Variants in GPR83 observed in about 807,000 individuals in gnomAD.
GPR83 encodes G-protein coupled receptor 72.
Under a neutral mutation model 28.0 loss-of-function variants are expected in GPR83, and 23 were observed. That is an observed-to-expected ratio of 0.82 (90% confidence interval 0.59 to 1.16). The LOEUF is 1.16. Ranked by LOEUF, GPR83 falls within the 50% of genes most tolerant of loss-of-function variation. The pLI is 0.00. For missense variants in GPR83, 610 were observed against 536.6 expected (o/e 1.14, Z -1.35); for synonymous variants, 234 against 215.4 (o/e 1.09, Z -0.76).
In GPR83 at chr11:94,380,531, A is replaced by G; in HGVS notation, c.890T>C (p.Val297Ala). 6.2e-7 allele frequency: 1 copy of G among 1,614,212 alleles called. No individual in the cohort carries two copies. The highest frequency in any genetic ancestry group is 8.5e-7 in the Non-Finnish European group (1 of 1,180,030). ...CCAGCAGAGGGCAAAGAGGACTACC[A>G]CCAGCATCAACATCTTGATGGTCTT... is the stretch of plus-strand genomic sequence containing the variant. The part of the protein sequence containing the change: ...KKKTIKMLML[V>A]VVLFALCWFP... The change falls in exon 4 of 4, where the codon GTG becomes GCG. Residue 297 changes from valine (V) to alanine (A), a missense_variant. Val to Ala is a moderately conservative substitution (Grantham distance 64). Transcript: ENST00000243673.
At position 94,393,539 on chromosome 11, in the gene GPR83, G is replaced by A. The variant is rs192469914; in HGVS notation, c.593C>T (p.Thr198Met). Reference protein sequence around the residue: ...IYIAVIWTMATFFSLPHAICQ... With the variant: ...IYIAVIWTMAMFFSLPHAICQ... ...GATAGCATGTGGGAGTGAAAAGAAC[G>A]TAGCCATGGTCCAGATGACAGCGAT... The change falls in exon 3 of 4, where the codon ACG becomes ATG. Residue 198 changes from threonine to methionine, a missense_variant. Transcript: ENST00000243673. 9.6e-5 allele frequency: 155 copies of A among 1,613,726 alleles called. No homozygotes were observed. Among genetic ancestry groups the A allele is most frequent in the Admixed American group, 5.3e-4 (32 of 60,020 alleles).
intron 3 of GPR83, among the ~76,000 whole-genome samples, chr11:94,388,421 A>G (rs1164656845): frequency 2.6e-5 from 4 of 152,042 alleles, no homozygotes; most frequent in African/African-American, 4.8e-5. Context: ...TATCTAGAAA[A>G]CCCCATCATC....
chr11:94,383,867 G>A (rs1435603104), intron 3 of GPR83, among the ~76,000 whole-genome samples: 1 of 152,114 alleles, frequency 6.6e-6, no homozygotes, highest in Non-Finnish European at 1.5e-5. Flanking sequence ...AAAAAGTCCA[G>A]GACCAGACAG....
In GPR83 at chr11:94,380,080, T is replaced by C. The variant is rs547483627; in HGVS notation, c.*69A>G. ...TTTCCAGCACTCTGAAGATCATGTG[T>C]GAGAATAGGCTCTCTTTCCCTGCCT... On this transcript the variant is annotated 3_prime_UTR_variant, in exon 4 of 4. Coordinates refer to ENST00000243673, the MANE Select transcript of GPR83 (RefSeq NM_016540.4). The C allele has an allele frequency of 1.1e-4, 132 of 1,249,632 alleles. No homozygotes were observed. Among genetic ancestry groups the C allele is most frequent in the East Asian group, 6.2e-4 (26 of 42,086 alleles). 77.4% of individuals were successfully genotyped at this position (1,249,632 alleles called of 1,614,324 possible).
At position 94,396,472 on chromosome 11, in the gene GPR83, C is replaced by A. The variant is rs916941196; in HGVS notation, c.440G>T (p.Ser147Ile). The change falls in exon 2 of 4, where the codon AGC (serine) becomes ATC (isoleucine). Residue 147 changes from serine (S) to isoleucine (I), a missense_variant. Ser to Ile is a moderately radical substitution (Grantham distance 142). Transcript: ENST00000243673. Reference protein sequence around the residue: ...WIFGKGMCHVSRFAQYCSLHV... With the variant: ...WIFGKGMCHVIRFAQYCSLHV... ...CAGTGAGCAGTACTGGGCAAAGCGG[C>A]TGACATGGCACATGCCCTTCCCAAA... 8.7e-6 allele frequency: 14 copies of A among 1,613,972 alleles called. No homozygotes were observed. The African/African-American group carries it at 1.7e-4, about 20-fold the overall frequency.
intron 3 of GPR83, among the ~76,000 whole-genome samples, chr11:94,391,255 A>G (rs891814247): frequency 6.6e-6 from 1 of 152,154 alleles, no homozygotes; most frequent in African/African-American, 2.4e-5. Flanking sequence ...TGTTGTTGGA[A>G]AAACTGGCTA....
In GPR83 at chr11:94,401,215, G is replaced by A. The variant is rs138833584; in HGVS notation, c.33C>T (p.Leu11=). 1.2e-5 allele frequency: 20 copies of A among 1,611,968 alleles called. No homozygotes were observed. Among genetic ancestry groups the A allele is most frequent in the Admixed American group, 1.7e-5 (1 of 59,894 alleles). ...GGGGCTCGGTGGCTCGCACCAAGGG[G>A]AGGAGACAGAGCAGCAAGAGGTGAG... MVPHLLLLCL[L]PLVRATEPHE... is the part of the protein sequence containing the mutation. The change falls in exon 1 of 4, where the codon CTC becomes CTT. Residue 11 remains leucine (L), a synonymous_variant. Coordinates refer to ENST00000243673, the MANE Select transcript of GPR83 (RefSeq NM_016540.4).
intron 1 of GPR83, among the ~76,000 whole-genome samples, chr11:94,400,330 T>TGCCACC (rs1463707030): frequency 2.2e-4 from 34 of 151,764 alleles, no homozygotes; most frequent in Admixed American, 3.3e-4. Flanking sequence ...ATTGACCCAA[T>TGCCACC]GCCACCGCCG....
chr11:94,378,727 T>A lies in GPR83; in HGVS notation c.*1422A>T, dbSNP rs1216740416. ...GGCCTTTCTAGACAGCTTGGGAGGA[T>A]GAGGTGTCTAAGCACAATTACTTCC... is the stretch of plus-strand genomic sequence containing the variant. On this transcript the variant is annotated 3_prime_UTR_variant, in exon 4 of 4. Transcript: ENST00000243673. The A allele has an allele frequency of 6.6e-6, 1 of 152,608 alleles. No homozygotes were observed. Among genetic ancestry groups the A allele is most frequent in the Non-Finnish European group, 1.5e-5 (1 of 68,030 alleles). 9.5% of individuals were successfully genotyped at this position (152,608 alleles called of 1,614,324 possible).
chr11:94,387,384 C>G (rs545858627), intron 3 of GPR83, among the ~76,000 whole-genome samples: 4 of 152,218 alleles, frequency 2.6e-5, no homozygotes, highest in African/African-American at 9.6e-5. Context: ...TCAATGAATC[C>G]AGGAGCTGGT....
Position 94,381,381 on chromosome 11 carries a change from G to A in GPR83, c.648-608C>T, listed in dbSNP as rs535016134. Among the ~76,000 whole-genome samples the A allele has an allele frequency of 2.0e-5, 3 of 151,962 alleles. No individual in the cohort carries two copies. In the East Asian group the frequency reaches 5.8e-4, roughly 30 times the overall value. ...GAGGAAACTTCCTTTGCTTTTTTTA[G>A]GGGGGAAAAAAAGTCCTCCGTGTGG... is the stretch of plus-strand genomic sequence containing the variant. On this transcript the variant is annotated intron_variant, in intron 3 of 3. Transcript: ENST00000243673.
intron 1 of GPR83, among the ~76,000 whole-genome samples, chr11:94,396,936 A>G (rs1163934000): frequency 6.6e-6 from 1 of 152,136 alleles, no homozygotes; most frequent in Non-Finnish European, 1.5e-5. Context: ...AATTTTTTAA[A>G]TGTCTGTAAA....
At chr11:94,384,351 T>A (rs189728022) in intron 3 of GPR83, among the ~76,000 whole-genome samples, 1 of 152,228 alleles carries the variant, frequency 6.6e-6, no homozygotes, top group Non-Finnish European at 1.5e-5. Flanking sequence ...ATAAGAACTA[T>A]TTATGGGGTG....
intron 3 of GPR83, among the ~76,000 whole-genome samples, chr11:94,389,280 T>G (rs569911299): frequency 3.7e-4 from 57 of 152,258 alleles, no homozygotes; most frequent in African/African-American, 1.2e-3. Context: ...ACTTCATGTC[T>G]AAAACACCAA....
chr11:94,394,589 C>T (rs1944848312), intron 2 of GPR83, among the ~76,000 whole-genome samples: 1 of 152,120 alleles, frequency 6.6e-6, no homozygotes, highest in African/African-American at 2.4e-5. Flanking sequence ...CTCTAGATGC[C>T]ATCCCAGAAC....
At chr11:94,398,666 GAGCT>G (rs1944886989) in intron 1 of GPR83, among the ~76,000 whole-genome samples, 1 of 152,184 alleles carries the variant, frequency 6.6e-6, no homozygotes, top group Non-Finnish European at 1.5e-5. Flanking sequence ...TCCATCATCA[GAGCT>G]AGGCTTCATG....
At position 94,383,997 on chromosome 11, in the gene GPR83, C is replaced by T. The variant is rs189754734; in HGVS notation, c.648-3224G>A. On this transcript the variant is annotated intron_variant, in intron 3 of 3. Transcript: ENST00000243673. ...AACTCATTTTATTAGGCCAGCATCACGCTGATACCAAAACCTGGCAGAGAC... is the reference window on the plus strand; with the variant it reads ...AACTCATTTTATTAGGCCAGCATCATGCTGATACCAAAACCTGGCAGAGAC... Among the ~76,000 whole-genome samples the T allele has an allele frequency of 5.7e-4, 87 of 152,186 alleles. No individual in the cohort carries two copies. The East Asian group carries it at 6.9e-3, about 12-fold the overall frequency.
intron 2 of GPR83, among the ~76,000 whole-genome samples, chr11:94,394,574 A>G (rs569981402): frequency 6.6e-6 from 1 of 152,320 alleles, no homozygotes; most frequent in African/African-American, 2.4e-5. Context: ...AAGAGCTGGC[A>G]CCACCTCTAG....
At chr11:94,382,602 CTG>C (rs1295675815) in intron 3 of GPR83, among the ~76,000 whole-genome samples, 2 of 152,158 alleles carry the variant, frequency 1.3e-5, no homozygotes, top group Non-Finnish European at 2.9e-5. Flanking sequence ...CACCACCCCA[CTG>C]TCAATATTAG....
Sources: gnomAD v4.1 joint callset for allele counts (sites outside exome capture counted in the v4.1 genomes callset) on GRCh38, gnomAD v4.1.1 for gene constraint, MANE v1.5 for transcripts, NCBI Gene and HGNC (gene_info 2026-07-23, HGNC 2026-07-21) for gene names.